The following SRRM3 variants were observed in gnomAD, a reference collection of about 807,000 sequenced individuals.
SRRM3 encodes serine/arginine repetitive matrix protein 3.
A neutral mutation model predicts 66.2 loss-of-function variants in SRRM3; 27 were observed. The ratio of observed to expected loss-of-function variants is 0.41; its 90% CI spans 0.30 to 0.56. The LOEUF (loss-of-function observed/expected upper bound fraction) is 0.56. Among genes scored for constraint, SRRM3 ranks in the 20% least tolerant of loss-of-function variants. The pLI is 0.32. For synonymous variants in SRRM3, 391 were observed against 414.9 expected (o/e 0.94, Z 0.70); for missense variants, 918 against 991.9 (o/e 0.93, Z 1.00).
chr7:76,249,514 T>C (rs1801521233), intron 3 of SRRM3, among the ~76,000 whole-genome samples: 1 of 152,086 alleles, frequency 6.6e-6, no homozygotes, highest in Non-Finnish European at 1.5e-5. Flanking sequence ...GCAAGGCAAA[T>C]ATTGTCTCAG....
chr7:76,281,324 CTCTG>C (rs1317663515), intron 11 of SRRM3, 113 bp from the exon 12 acceptor site: 4 of 706,312 alleles, frequency 5.7e-6, no homozygotes, highest in Non-Finnish European at 7.4e-6. Flanking sequence ...CTGTCTCTGT[CTCTG>C]TCTCTTTCTT....
chr7:76,234,289 C>T (rs1583890276), intron 1 of SRRM3, among the ~76,000 whole-genome samples: 1 of 152,080 alleles, frequency 6.6e-6, no homozygotes, highest in African/African-American at 2.4e-5. Flanking sequence ...AGTTGACTCC[C>T]ACCCCACCCC....
chr7:76,280,517 G>A (rs1182820078), intron 11 of SRRM3, among the ~76,000 whole-genome samples: 4 of 146,134 alleles, frequency 2.7e-5, no homozygotes, highest in Non-Finnish European at 4.4e-5. Flanking sequence ...CCGTCCCATC[G>A]GGGGGGCAAT....
chr7:76,259,260 G>A, intron 3 of SRRM3, among the ~76,000 whole-genome samples: 1 of 151,896 alleles, frequency 6.6e-6, no homozygotes, highest in Admixed American at 6.6e-5. Flanking sequence ...GTGAAGAAGA[G>A]GAGCCTCATC....
intron 5 of SRRM3, 111 bp from the exon 6 acceptor site, chr7:76,260,763 C>G (rs1583920020): frequency 1.9e-6 from 2 of 1,080,262 alleles, no homozygotes; most frequent in Non-Finnish European, 2.7e-6. Context: ...CTGCCATCCC[C>G]GAATCTCTCT....
In SRRM3 at chr7:76,261,431, C is replaced by G. The variant is rs1554608732; in HGVS notation, c.638+17C>G. 1.0e-5 allele frequency: 16 copies of G among 1,604,088 alleles called. No individual in the cohort carries two copies. Among genetic ancestry groups the G allele is most frequent in the Non-Finnish European group, 1.7e-6 (2 of 1,175,438 alleles). ...CCGAGACAGGTACCCTTGCTGCCCCCACCCTGGGGCCTCCTCTTCCTCCCG... is the reference window on the plus strand; with the variant it reads ...CCGAGACAGGTACCCTTGCTGCCCCGACCCTGGGGCCTCCTCTTCCTCCCG... On this transcript the variant is annotated intron_variant, in intron 7 of 14. Transcript: ENST00000611745.
chr7:76,265,315 C>G (rs1801980774), intron 9 of SRRM3, 49 bp from the exon 10 acceptor site: 3 of 1,451,084 alleles, frequency 2.1e-6, no homozygotes, highest in Non-Finnish European at 2.8e-6. Context: ...CTGGGGGGAT[C>G]ACGGGGGGCA....
In SRRM3 at chr7:76,267,063, G is replaced by A. The variant is rs368878488; in HGVS notation, c.831-195G>A. On this transcript the variant is annotated intron_variant, in intron 10 of 14. Coordinates refer to ENST00000611745, the MANE Select transcript of SRRM3 (RefSeq NM_001110199.3). Reference sequence around the variant, plus strand: ...GGCCCCTAAGCCTCCGCCTGAATTGGAAATCGAGGCACAGCCTCGCTGGCT... The same window carrying A: ...GGCCCCTAAGCCTCCGCCTGAATTGAAAATCGAGGCACAGCCTCGCTGGCT... 1.3e-3 allele frequency among the ~76,000 whole-genome samples: 200 copies of A among 152,274 alleles called. 9 individuals carry two copies. In the South Asian group the frequency reaches 0.037, roughly 28 times the overall value.
intron 2 of SRRM3, among the ~76,000 whole-genome samples, chr7:76,237,592 A>C (rs1341675883): frequency 6.6e-6 from 1 of 152,056 alleles, no homozygotes; most frequent in Non-Finnish European, 1.5e-5. Context: ...AACAAAAACA[A>C]ACACACAAAC....
chr7:76,203,338 C>T lies in SRRM3; in HGVS notation c.-40+1271C>T, dbSNP rs149400954. 3.3e-5 allele frequency among the ~76,000 whole-genome samples: 5 copies of T among 152,280 alleles called. No individual in the cohort carries two copies. In the East Asian group the frequency reaches 9.6e-4, roughly 29 times the overall value. Reference sequence around the variant, plus strand: ...CTCTGATGTCAGAAAGACATGGGATCAAATCTAGGTTATGTGACCTCAGGT... The same window carrying T: ...CTCTGATGTCAGAAAGACATGGGATTAAATCTAGGTTATGTGACCTCAGGT... On this transcript the variant is annotated intron_variant, in intron 1 of 14. Transcript: ENST00000611745.
chr7:76,265,489 G>C (rs1801986259), intron 10 of SRRM3, 21 bp downstream of exon 10: 2 of 1,584,188 alleles, frequency 1.3e-6, no homozygotes, highest in Non-Finnish European at 1.7e-6. Context: ...GCCTCTGGGA[G>C]GCTTTCTCCT....
chr7:76,265,835 TATATA>T (rs1337581040), intron 10 of SRRM3, among the ~76,000 whole-genome samples: 2 of 11,910 alleles, frequency 1.7e-4, no homozygotes, highest in South Asian at 2.6e-3. Flanking sequence ...TATTTATATA[TATATA>T]TATATATATA....
At chr7:76,260,311 C>A (rs1390870472) in intron 5 of SRRM3, 114 bp downstream of exon 5, 6 of 803,994 alleles carry the variant, frequency 7.5e-6, no homozygotes, top group Non-Finnish European at 1.1e-5. Context: ...CCTCTCTGAG[C>A]CCCTCCCTCG....
At chr7:76,202,965 T>G (rs1224460410) in intron 1 of SRRM3, among the ~76,000 whole-genome samples, 2 of 152,110 alleles carry the variant, frequency 1.3e-5, no homozygotes, top group Non-Finnish European at 2.9e-5. Context: ...AGCCATAACT[T>G]CTCGCTGTCC....
chr7:76,279,378 G>C (rs916329630), intron 11 of SRRM3, among the ~76,000 whole-genome samples: 2 of 151,944 alleles, frequency 1.3e-5, no homozygotes, highest in Non-Finnish European at 2.9e-5. Context: ...GCCAAGTTCG[G>C]TGATAAAAAG....
chr7:76,286,155 G>T lies in SRRM3; in HGVS notation c.*312G>T. The T allele has an allele frequency of 2.2e-6, 1 of 464,436 alleles. No homozygotes were observed. The highest frequency in any genetic ancestry group is 4.0e-6 in the Non-Finnish European group (1 of 249,124). The allele number at this position is 464,436 out of a possible 1,614,324, so 28.8% of individuals were successfully genotyped here. A position where few individuals can be genotyped will look rare whatever the true frequency, so the allele number is the denominator to read the frequency against. On this transcript the variant is annotated 3_prime_UTR_variant, in exon 15 of 15. Coordinates refer to ENST00000611745, the MANE Select transcript of SRRM3 (RefSeq NM_001110199.3). ...CCTTCCTGCTGATGCCAACTCACCA[G>T]GCTTGGGACTGCTGCCGGTGGATGG...
At chr7:76,216,954 A>C (rs782090998) in intron 1 of SRRM3, among the ~76,000 whole-genome samples, 4 of 152,204 alleles carry the variant, frequency 2.6e-5, no homozygotes, top group African/African-American at 4.8e-5. Context: ...CCAGGCAGCC[A>C]GCTTGATTGG....
chr7:76,261,584 G>T lies in SRRM3; in HGVS notation c.674+3G>T. 1 of 1,611,028 alleles carries T rather than the reference G, an allele frequency of 6.2e-7. No individual in the cohort carries two copies. The highest frequency in any genetic ancestry group is 1.1e-5 in the South Asian group (1 of 90,234). On this transcript the variant is annotated splice_donor_region_variant and intron_variant, in intron 8 of 14. Coordinates refer to ENST00000611745, the MANE Select transcript of SRRM3 (RefSeq NM_001110199.3). ...TCCCGGAGGAAGAGACGGCACAGGTGAGCGGCGCTTTGCAGAGGACATGGT... is the reference window on the plus strand; with the variant it reads ...TCCCGGAGGAAGAGACGGCACAGGTTAGCGGCGCTTTGCAGAGGACATGGT...
At position 76,281,635 on chromosome 7, in the gene SRRM3, C is replaced by T; in HGVS notation, c.1203C>T (p.Ser401=). 1 of 973,134 alleles carries T rather than the reference C, an allele frequency of 1.0e-6. No homozygotes were observed. The highest frequency in any genetic ancestry group is 1.2e-6 in the Non-Finnish European group (1 of 821,516). The allele number at this position is 973,134 out of a possible 1,614,324, so 60.3% of individuals were successfully genotyped here. A position where few individuals can be genotyped will look rare whatever the true frequency, so the allele number is the denominator to read the frequency against. ...RRRRRSRSSA[S]APRRRGRRRP... is the part of the protein sequence containing the mutation. ...GGCGGCGCTCGCGGTCCTCGGCGTC[C>T]GCGCCCCGCCGCAGGGGTCGCCGGC... The change falls in exon 12 of 15, where the codon TCC becomes TCT. Residue 401 remains serine (S), a synonymous_variant. Transcript: ENST00000611745.
Sources: allele counts gnomAD v4.1 joint callset (sites outside exome capture counted in the v4.1 genomes callset), GRCh38; gene constraint gnomAD v4.1.1; transcripts MANE v1.5; gene names NCBI Gene and HGNC (gene_info 2026-07-23, HGNC 2026-07-21).